The following LMX1A variants were observed in gnomAD, a reference collection of about 807,000 sequenced individuals.
The protein encoded by LMX1A is LIM homeobox transcription factor 1 alpha, also known as LIM homeobox transcription factor 1-alpha.
In LMX1A, 15 loss-of-function variants were observed where a neutral mutation model predicts 49.1. The observed-to-expected ratio is 0.31, with a 90% CI of 0.20 to 0.47. The LOEUF (loss-of-function observed/expected upper bound fraction) is 0.47. Among genes scored for constraint, LMX1A ranks in the 20% least tolerant of loss-of-function variants. The pLI is 1.00. For missense variants in LMX1A, 372 were observed against 475.8 expected, an observed-to-expected ratio of 0.78 and a Z score of 2.03; for synonymous variants, 167 against 185.7, an observed-to-expected ratio of 0.90 and a Z score of 0.82.
intron 3 of LMX1A, among the ~76,000 whole-genome samples, chr1:165,351,541 G>A (rs1000913002): frequency 6.6e-6 from 1 of 152,158 alleles, no homozygotes; most frequent in African/African-American, 2.4e-5. Context: ...GTCATAGGGA[G>A]TTTTCACTTC....
At chr1:165,204,369 G>C (rs899599884) in intron 8 of LMX1A, among the ~76,000 whole-genome samples, 3 of 152,294 alleles carry the variant, frequency 2.0e-5, no homozygotes, top group Admixed American at 2.0e-4. Flanking sequence ...CCTGAAAAAT[G>C]ATGCTTGAAG....
intron 3 of LMX1A, among the ~76,000 whole-genome samples, chr1:165,268,267 A>T (rs1653687602): frequency 6.6e-6 from 1 of 152,244 alleles, no homozygotes; most frequent in African/African-American, 2.4e-5. Context: ...AGCCAAGTCT[A>T]AGCCAAAATA....
rs572883609 is a variant in LMX1A, at chr1:165,217,374, G to A, written c.497-3561C>T. ...TCCCCCAAAGAACTGCTGTGCCATCGTGAACCAACAAAGAGAGGGGAGGAG... is the reference window on the plus strand; with the variant it reads ...TCCCCCAAAGAACTGCTGTGCCATCATGAACCAACAAAGAGAGGGGAGGAG... On this transcript the variant is annotated intron_variant, in intron 4 of 8. Coordinates refer to ENST00000342310, the MANE Select transcript of LMX1A (RefSeq NM_177398.4). Among the ~76,000 whole-genome samples, 12 of 152,246 alleles carry A rather than the reference G, an allele frequency of 7.9e-5. 1 individual carries two copies. In the South Asian group the frequency reaches 2.3e-3, roughly 29 times the overall value.
chr1:165,225,848 C>T (rs1557855205), intron 4 of LMX1A, among the ~76,000 whole-genome samples: 1 of 152,216 alleles, frequency 6.6e-6, no homozygotes, highest in African/African-American at 2.4e-5. Context: ...CACCCCTACA[C>T]TCCCACCCCT....
Position 165,201,902 on chromosome 1 carries a change from C to A in LMX1A, c.*1978G>T, listed in dbSNP as rs1020916205. 1 of 152,400 alleles carries A rather than the reference C, an allele frequency of 6.6e-6. No homozygotes were observed. Among genetic ancestry groups the A allele is most frequent in the Admixed American group, 6.5e-5 (1 of 15,280 alleles). The allele number at this position is 152,400 out of a possible 1,614,324, so 9.4% of individuals were successfully genotyped here. A position where few individuals can be genotyped will look rare whatever the true frequency, so the allele number is the denominator to read the frequency against. ...GAGATTTTAATTTCATCTTGGTATG[C>A]CATTAAGGAGTGGAATAAGGATCTC... On this transcript the variant is annotated 3_prime_UTR_variant, in exon 9 of 9. Coordinates refer to ENST00000342310, the MANE Select transcript of LMX1A (RefSeq NM_177398.4).
intron 3 of LMX1A, among the ~76,000 whole-genome samples, chr1:165,331,619 A>C (rs904770260): frequency 6.6e-6 from 1 of 152,200 alleles, no homozygotes; most frequent in African/African-American, 2.4e-5. Flanking sequence ...TTTCAAATCT[A>C]AAGAACACAA....
intron 8 of LMX1A, among the ~76,000 whole-genome samples, chr1:165,205,178 T>C (rs1357432458): frequency 6.6e-6 from 1 of 152,148 alleles, no homozygotes; most frequent in Non-Finnish European, 1.5e-5. Context: ...CTTCTCTGTA[T>C]AAAATGTAAT....
chr1:165,310,011 C>T (rs1010315182), intron 3 of LMX1A, among the ~76,000 whole-genome samples: 4 of 152,190 alleles, frequency 2.6e-5, no homozygotes, highest in African/African-American at 4.8e-5. Context: ...CTTTGTTATC[C>T]GATGCCCTAC....
chr1:165,249,458 T>G lies in LMX1A; in HGVS notation c.446A>C (p.Glu149Ala), dbSNP rs1382763701. Residue 149 changes from glutamate (E) to alanine (A), a missense_variant, in exon 4 of 9, where the codon GAG becomes GCG. Physicochemically the swap from Glu to Ala is moderately radical, Grantham distance 107 (BLOSUM62 -1). Coordinates refer to ENST00000342310, the MANE Select transcript of LMX1A (RefSeq NM_177398.4). ...EGQLLCKGDY[E>A]KERELLSLVS... ...CAGGCTGAGCAGCTCCCGCTCCTTCTCATAGTCCCCTTTGCAGAGCAGCTG... is the reference window on the plus strand; with the variant it reads ...CAGGCTGAGCAGCTCCCGCTCCTTCGCATAGTCCCCTTTGCAGAGCAGCTG... 2.4e-5 allele frequency: 39 copies of G among 1,614,000 alleles called. No individual in the cohort carries two copies. The highest frequency in any genetic ancestry group is 3.3e-5 in the Non-Finnish European group (39 of 1,180,020).
At chr1:165,306,920 G>C (rs1375725848) in intron 3 of LMX1A, among the ~76,000 whole-genome samples, 1 of 152,214 alleles carries the variant, frequency 6.6e-6, no homozygotes, top group Non-Finnish European at 1.5e-5. Context: ...GCAGCACATA[G>C]AGTGAAGCGG....
intron 3 of LMX1A, among the ~76,000 whole-genome samples, chr1:165,322,325 C>G (rs530034560): frequency 2.6e-5 from 4 of 152,232 alleles, no homozygotes; most frequent in South Asian, 2.1e-4. Flanking sequence ...CACACCTAGG[C>G]ACAGGCCCAA....
rs147567458 is a variant in LMX1A at position 165,333,940 on chromosome 1, C to A, written c.263+19136G>T. 4.1e-4 allele frequency among the ~76,000 whole-genome samples: 63 copies of A among 152,276 alleles called. No individual in the cohort carries two copies. In the East Asian group the frequency reaches 0.012, roughly 29 times the overall value. On this transcript the variant is annotated intron_variant, in intron 3 of 8. Transcript: ENST00000342310. Reference sequence around the variant, plus strand: ...TGTATGGCTTTCTACAGATTTGAAGCACCTTTGCATAGAATGTCTCATTTG... The same window carrying A: ...TGTATGGCTTTCTACAGATTTGAAGAACCTTTGCATAGAATGTCTCATTTG...
intron 3 of LMX1A, among the ~76,000 whole-genome samples, chr1:165,250,140 C>G (rs1282954858): frequency 6.6e-6 from 1 of 152,104 alleles, no homozygotes; most frequent in East Asian, 1.9e-4. Context: ...GGCTTAATAC[C>G]TAGGTGATGG....
intron 3 of LMX1A, among the ~76,000 whole-genome samples, chr1:165,276,743 A>G (rs1318874582): frequency 6.6e-6 from 1 of 152,128 alleles, no homozygotes; most frequent in African/African-American, 2.4e-5. Flanking sequence ...GAGTTGGGGG[A>G]AAAAAGCATA....
At chr1:165,307,517 G>C (rs1423876324) in intron 3 of LMX1A, among the ~76,000 whole-genome samples, 4 of 152,208 alleles carry the variant, frequency 2.6e-5, no homozygotes, top group Admixed American at 2.6e-4. Context: ...GCAGAATGAA[G>C]AAGAGCATCA....
At position 165,300,089 on chromosome 1, in the gene LMX1A, T is replaced by G. The variant is rs944641152; in HGVS notation, c.264-50449A>C. On this transcript the variant is annotated intron_variant, in intron 3 of 8. Coordinates refer to ENST00000342310, the MANE Select transcript of LMX1A (RefSeq NM_177398.4). ...AGAGTCAGTCTCATGGTGCTTCTGA[T>G]CTCACTGGACACCTTGCTGAGCATG... Among the ~76,000 whole-genome samples the G allele has an allele frequency of 3.6e-5, 5 of 140,236 alleles. No homozygotes were observed. The Admixed American group carries it at 3.8e-4, about 11-fold the overall frequency. The allele number at this position is 140,236 out of a possible 152,430, so 92.0% of individuals were successfully genotyped here.
intron 3 of LMX1A, among the ~76,000 whole-genome samples, chr1:165,297,005 T>C (rs531828444): frequency 6.6e-6 from 1 of 152,366 alleles, no homozygotes; most frequent in African/African-American, 2.4e-5. Flanking sequence ...TGTCCTGGTC[T>C]GAGTGCAATC....
At chr1:165,220,016 G>A (rs1651781580) in intron 4 of LMX1A, among the ~76,000 whole-genome samples, 1 of 152,188 alleles carries the variant, frequency 6.6e-6, no homozygotes. Context: ...AAAGGGGAGA[G>A]AGGGCACTTT....
chr1:165,224,516 C>T (rs563030289), intron 4 of LMX1A, among the ~76,000 whole-genome samples: 5 of 152,138 alleles, frequency 3.3e-5, no homozygotes, highest in South Asian at 2.1e-4. Flanking sequence ...AACTAAATGC[C>T]GGCTTTCATC....
Sources: gnomAD v4.1 joint callset for allele counts (sites outside exome capture counted in the v4.1 genomes callset) on GRCh38, gnomAD v4.1.1 for gene constraint, MANE v1.5 for transcripts, NCBI Gene and HGNC (gene_info 2026-07-23, HGNC 2026-07-21) for gene names.